TNNI3K: variants seen among roughly 807,000 people sequenced by gnomAD.
The protein encoded by TNNI3K is serine/threonine-protein kinase TNNI3K.
A neutral mutation model predicts 114.5 loss-of-function variants in TNNI3K; 140 were observed. That is an observed-to-expected ratio of 1.22 (90% CI 1.07 to 1.41). The LOEUF (loss-of-function observed/expected upper bound fraction) is 1.41, where lower values mean the gene tolerates loss of function less well. TNNI3K is among the 40% of genes most tolerant of loss of function. The pLI is 0.00. For missense variants in TNNI3K, 1,125 were observed against 1,007.6 expected, an observed-to-expected ratio of 1.12 and a Z score of -1.58; for synonymous variants, 347 against 347.5, an observed-to-expected ratio of 1.00 and a Z score of 0.02.
intron 11 of TNNI3K, chr1:74,366,585 G>C (rs1662284588): frequency 6.6e-6 from 1 of 151,960 alleles, no homozygotes. Flanking sequence ...AGGCTCACCT[G>C]TTTCTTAAGG....
intron 5 of TNNI3K, among the ~76,000 whole-genome samples, chr1:74,309,541 T>C (rs1177731390): frequency 1.3e-5 from 2 of 151,818 alleles, no homozygotes; most frequent in Admixed American, 6.6e-5. Context: ...CTAATTAACA[T>C]ATATATAAAA....
intron 23 of TNNI3K, among the ~76,000 whole-genome samples, chr1:74,513,229 G>A (rs1352106064): frequency 6.6e-6 from 1 of 152,148 alleles, no homozygotes; most frequent in East Asian, 1.9e-4. Context: ...TGCTTTCCTA[G>A]TTCGTTTATT....
intron 17 of TNNI3K, among the ~76,000 whole-genome samples, chr1:74,411,801 G>A (rs1231368614): frequency 6.6e-6 from 1 of 152,158 alleles, no homozygotes; most frequent in Non-Finnish European, 1.5e-5. Flanking sequence ...GAGCATTGAG[G>A]AGGAAGAAGA....
intron 5 of TNNI3K, among the ~76,000 whole-genome samples, chr1:74,330,536 G>A (rs929759586): frequency 6.6e-6 from 1 of 152,014 alleles, no homozygotes; most frequent in Non-Finnish European, 1.5e-5. Context: ...TTTTTGTTAA[G>A]ATTATAGATG....
At chr1:74,501,472 T>TTGTG (rs770625978) in intron 23 of TNNI3K, among the ~76,000 whole-genome samples, 1 of 112,822 alleles carries the variant, frequency 8.9e-6, no homozygotes, top group African/African-American at 3.0e-5. Context: ...TTTTTTTGTT[T>TTGTG]TGTGTTTGTT....
Position 74,509,597 on chromosome 1 carries a change from T to C in TNNI3K, c.2351+17331T>C, listed in dbSNP as rs544854210. On this transcript the variant is annotated intron_variant, in intron 23 of 24. Coordinates refer to ENST00000326637, the MANE Select transcript of TNNI3K (RefSeq NM_015978.3). ...ACATAGAGGACAATGAATTATGAAA[T>C]TATGAAATAAATAAAATTGAGGACA... 7.2e-5 allele frequency among the ~76,000 whole-genome samples: 11 copies of C among 152,226 alleles called. No homozygotes were observed. The South Asian group carries it at 2.3e-3, about 32-fold the overall frequency.
intron 17 of TNNI3K, among the ~76,000 whole-genome samples, chr1:74,419,451 C>T (rs573223093): frequency 6.6e-6 from 1 of 152,120 alleles, no homozygotes; most frequent in Admixed American, 6.6e-5. Context: ...ATTCAACTTA[C>T]TACACTATCC....
At chr1:74,306,955 T>C (rs1658679881) in intron 5 of TNNI3K, among the ~76,000 whole-genome samples, 2 of 152,156 alleles carry the variant, frequency 1.3e-5, no homozygotes, top group Non-Finnish European at 2.9e-5. Context: ...CCCGAAGAGT[T>C]TTTAACCAGG....
intron 5 of TNNI3K, among the ~76,000 whole-genome samples, chr1:74,280,418 C>T (rs1158558270): frequency 2.0e-5 from 3 of 151,912 alleles, no homozygotes; most frequent in Non-Finnish European, 4.4e-5. Flanking sequence ...AGGAAAGAAG[C>T]ACTGAAGAGG....
chr1:74,267,745 C>G (rs1656088370), intron 4 of TNNI3K, among the ~76,000 whole-genome samples: 1 of 151,808 alleles, frequency 6.6e-6, no homozygotes, highest in African/African-American at 2.4e-5. Context: ...AATTAGAGGT[C>G]AATCTTGAGA....
chr1:74,289,063 GA>G (rs36031318), intron 5 of TNNI3K, among the ~76,000 whole-genome samples: 150,192 of 151,558 alleles, frequency 0.99, 74,437 homozygotes, highest in Middle Eastern at 1. Context: ...TGGTTAAACA[GA>G]AAAAAAATAA....
rs3895907 is a variant in TNNI3K at position 74,540,343 on chromosome 1, A to G, written c.2431+30A>G. 0.51 allele frequency: 823,554 copies of G among 1,602,008 alleles called. 221,901 individuals are homozygous for G. Among genetic ancestry groups the G allele is most frequent in the Non-Finnish European group, 0.56 (662,072 of 1,173,568 alleles). ...GTAGGCAGATTCTTTAGGTTTGTTA[A>G]GAAAACTACCCCTAGGAAGGTGATG... On this transcript the variant is annotated intron_variant, in intron 24 of 24. Transcript: ENST00000326637.
intron 2 of TNNI3K, among the ~76,000 whole-genome samples, chr1:74,245,227 C>T (rs1654482843): frequency 6.6e-6 from 1 of 152,134 alleles, no homozygotes; most frequent in Non-Finnish European, 1.5e-5. Context: ...AAGCAAAGTT[C>T]TCTTGTACTC....
intron 5 of TNNI3K, among the ~76,000 whole-genome samples, chr1:74,297,031 A>C (rs1003777347): frequency 1.3e-5 from 2 of 152,070 alleles, no homozygotes; most frequent in Non-Finnish European, 2.9e-5. Context: ...CTCAGGCATT[A>C]TCTCTTAAAA....
At chr1:74,357,360 TA>T (rs1391675770) in intron 11 of TNNI3K, among the ~76,000 whole-genome samples, 1 of 152,164 alleles carries the variant, frequency 6.6e-6, no homozygotes, top group Non-Finnish European at 1.5e-5. Flanking sequence ...TAGTTCATCC[TA>T]GTCTAATCTC....
intron 9 of TNNI3K, among the ~76,000 whole-genome samples, chr1:74,349,902 T>G (rs1217941700): frequency 6.6e-6 from 1 of 152,194 alleles, no homozygotes; most frequent in Admixed American, 6.5e-5. Flanking sequence ...ATCAATTTTG[T>G]TGATCTTTTC....
intron 3 of TNNI3K, 92 bp downstream of exon 3, chr1:74,249,636 T>C (rs925031326): frequency 8.0e-7 from 1 of 1,257,768 alleles, no homozygotes; most frequent in African/African-American, 1.5e-5. Flanking sequence ...AAGAATTCTA[T>C]TCATACTCAA....
chr1:74,481,796 C>T (rs1271891137), intron 21 of TNNI3K, among the ~76,000 whole-genome samples: 1 of 152,096 alleles, frequency 6.6e-6, no homozygotes, highest in Admixed American at 6.5e-5. Context: ...CTTTATCATG[C>T]TAACATTGTT....
intron 21 of TNNI3K, among the ~76,000 whole-genome samples, chr1:74,482,176 A>G (rs1370798522): frequency 6.6e-6 from 1 of 152,058 alleles, no homozygotes; most frequent in Non-Finnish European, 1.5e-5. Context: ...TCCTTTAGGG[A>G]TTTACTGACT....
Sources: allele counts gnomAD v4.1 joint callset (sites outside exome capture counted in the v4.1 genomes callset), GRCh38; gene constraint gnomAD v4.1.1; transcripts MANE v1.5; gene names NCBI Gene and HGNC (gene_info 2026-07-23, HGNC 2026-07-21).